The following ABCC6 variants were observed in gnomAD, a reference collection of about 807,000 sequenced individuals.
ABCC6 encodes the protein ATP-binding cassette sub-family C member 6.
A neutral mutation model predicts 169.5 loss-of-function variants in ABCC6; 126 were observed. The observed-to-expected ratio is 0.74, with a 90% CI of 0.64 to 0.86. ABCC6 has a LOEUF of 0.86. ABCC6 is among the 40% of genes least tolerant of loss of function. The pLI is 0.00. For missense variants in ABCC6, 1,733 were observed against 1,927.2 expected (o/e 0.90, Z 1.89); for synonymous variants, 752 against 814.7 (o/e 0.92, Z 1.31).
chr16:16,171,380 G>C (rs1382116787), intron 21 of ABCC6, among the ~76,000 whole-genome samples: 1 of 152,134 alleles, frequency 6.6e-6, no homozygotes, highest in Non-Finnish European at 1.5e-5. Context: ...CACTGCGCCT[G>C]ATCATTCTTA....
At chr16:16,219,212 A>G (rs1273088493) in intron 4 of ABCC6, among the ~76,000 whole-genome samples, 1 of 144,360 alleles carries the variant, frequency 6.9e-6, no homozygotes, top group Admixed American at 6.9e-5. Context: ...ACGGAGGGGT[A>G]TGTGTGCACA....
intron 11 of ABCC6, among the ~76,000 whole-genome samples, chr16:16,192,185 G>A (rs531386484): frequency 8.5e-5 from 13 of 152,278 alleles, no homozygotes; most frequent in East Asian, 5.8e-4. Flanking sequence ...AACAGCTAAA[G>A]CGAAGGCCTG....
chr16:16,192,932 G>A lies in ABCC6; in HGVS notation c.1339-10C>T, dbSNP rs2047912271. On this transcript the variant is annotated splice_polypyrimidine_tract_variant and intron_variant, in intron 10 of 30. Transcript: ENST00000205557. ...CGGAGGGCCCCAGGAGCTGGGGATA[G>A]AAGGGGCAGGATGTCAGGAGATCCC... is the stretch of plus-strand genomic sequence containing the variant. 2 of 1,611,844 alleles carry A rather than the reference G, an allele frequency of 1.2e-6. No homozygotes were observed. Among genetic ancestry groups the A allele is most frequent in the Admixed American group, 1.7e-5 (1 of 59,970 alleles).
At chr16:16,184,884 G>A in intron 15 of ABCC6, 75 bp downstream of exon 15, 1 of 1,482,776 alleles carries the variant, frequency 6.7e-7, no homozygotes, top group Non-Finnish European at 9.4e-7. Flanking sequence ...CACCTCTCAG[G>A]TGGGAGGCAG....
chr16:16,177,008 C>T (rs2047298709), intron 19 of ABCC6, among the ~76,000 whole-genome samples: 1 of 152,154 alleles, frequency 6.6e-6, no homozygotes, highest in Non-Finnish European at 1.5e-5. Flanking sequence ...TTATTAGAAA[C>T]CCTAGCTAGC....
At chr16:16,166,955 T>G (rs2046898335) in intron 22 of ABCC6, among the ~76,000 whole-genome samples, 1 of 152,116 alleles carries the variant, frequency 6.6e-6, no homozygotes, top group Non-Finnish European at 1.5e-5. Flanking sequence ...GAGTTAACAC[T>G]GCTGACACCT....
chr16:16,217,808 G>T (rs986469543), intron 4 of ABCC6, among the ~76,000 whole-genome samples: 1 of 152,196 alleles, frequency 6.6e-6, no homozygotes, highest in Non-Finnish European at 1.5e-5. Context: ...CTCTGTCCTC[G>T]GTCAGGCGCT....
rs200827049 is a variant in ABCC6, at chr16:16,188,082, CAATA to C, written c.1779+745_1779+748del. Among the ~76,000 whole-genome samples the C allele has an allele frequency of 4.3e-3, 655 of 151,542 alleles. 3 individuals are homozygous for C. The highest frequency in any genetic ancestry group is 0.015 in the African/African-American group (624 of 41,306). On this transcript the variant is annotated intron_variant, in intron 13 of 30. Transcript: ENST00000205557. ...TGAAACCCTGTCTCTACTAAAAACACAATAAATAAATAAATAAGACTGGGTGCAG... is the reference window on the plus strand; with the variant it reads ...TGAAACCCTGTCTCTACTAAAAACACAATAAATAAATAAGACTGGGTGCAG...
At chr16:16,175,791 C>G in intron 20 of ABCC6, 120 bp downstream of exon 20, 1 of 1,165,360 alleles carries the variant, frequency 8.6e-7, no homozygotes, top group Non-Finnish European at 1.2e-6. Flanking sequence ...GGGACTTCAG[C>G]AGGTTCTCTA....
At chr16:16,192,067 G>C (rs2047880470) in intron 11 of ABCC6, among the ~76,000 whole-genome samples, 1 of 152,200 alleles carries the variant, frequency 6.6e-6, no homozygotes, top group African/African-American at 2.4e-5. Context: ...TGCTGGGAGG[G>C]GAGGGATGGA....
chr16:16,211,978 A>G (rs905004983), intron 6 of ABCC6, among the ~76,000 whole-genome samples: 8 of 147,782 alleles, frequency 5.4e-5, no homozygotes, highest in Non-Finnish European at 4.4e-5. Context: ...CAGAGCCGGG[A>G]TTCAAATCAA....
At position 16,159,527 on chromosome 16, in the gene ABCC6, G is replaced by A. The variant is rs368931767; in HGVS notation, c.3690C>T (p.Ile1230=). ...AGTCCTGCATCCGCTCCACTGACAC[G>A]ATGCTGTTCTCTAGGTCTGTCCAGT... The part of the protein sequence containing the change: ...VRNWTDLENS[I]VSVERMQDYA... Residue 1230 remains isoleucine (I), a synonymous_variant, in exon 26 of 31, where the codon ATC becomes ATT. Transcript: ENST00000205557. The A allele has an allele frequency of 4.0e-5, 65 of 1,613,998 alleles. No individual in the cohort carries two copies. The highest frequency in any genetic ancestry group is 3.5e-4 in the African/African-American group (26 of 74,978).
chr16:16,214,569 G>A, intron 4 of ABCC6, 120 bp from the exon 5 acceptor site: 1 of 1,499,202 alleles, frequency 6.7e-7, no homozygotes, highest in Non-Finnish European at 8.9e-7. Context: ...GTATTTGAAA[G>A]CCAGAGCCCT....
At chr16:16,161,781 G>A (rs1045594724) in intron 24 of ABCC6, among the ~76,000 whole-genome samples, 12 of 152,120 alleles carry the variant, frequency 7.9e-5, no homozygotes, top group African/African-American at 2.7e-4. Context: ...GTGTTCTGAA[G>A]AGCATCCCTG....
chr16:16,161,517 G>T lies in ABCC6; in HGVS notation c.3554C>A (p.Ala1185Glu). ...GCTCAGCACAGCACACGTGGCAGCTGCAAACACCAGGCCATTCCCCAGGAG... is the reference window on the plus strand; with the variant it reads ...GCTCAGCACAGCACACGTGGCAGCTTCAAACACCAGGCCATTCCCCAGGAG... ...VELLGNGLVF[A>E]AATCAVLSKA... The change falls in exon 25 of 31, where the codon GCA (alanine) becomes GAA (glutamate). Residue 1185 changes from alanine to glutamate, a missense_variant. Around this residue, in one of 5 missense-constraint regions of ABCC6, gnomAD observed 1,601 missense variants for 1,635.5 expected, o/e 0.98. Transcript: ENST00000205557. 6.2e-7 allele frequency: 1 copy of T among 1,613,970 alleles called. No homozygotes were observed. The highest frequency in any genetic ancestry group is 1.1e-5 in the South Asian group (1 of 91,086).
intron 23 of ABCC6, among the ~76,000 whole-genome samples, chr16:16,165,187 G>C (rs971347904): frequency 6.6e-6 from 1 of 152,202 alleles, no homozygotes; most frequent in Non-Finnish European, 1.5e-5. Context: ...AAGGTGGGAG[G>C]ATCACTTGGG....
intron 20 of ABCC6, among the ~76,000 whole-genome samples, 167 bp downstream of exon 20, chr16:16,175,744 A>T (rs2047257277): frequency 7.0e-6 from 1 of 142,978 alleles, no homozygotes; most frequent in Non-Finnish European, 1.5e-5. Context: ...AACTGGACCA[A>T]TTTTGGTAAA....
chr16:16,163,612 T>A (rs1385971625), intron 23 of ABCC6, among the ~76,000 whole-genome samples: 1 of 152,066 alleles, frequency 6.6e-6, no homozygotes, highest in African/African-American at 2.4e-5. Flanking sequence ...AACAAAACTG[T>A]AAGGGGCAAT....
At chr16:16,152,985 C>T in intron 29 of ABCC6, among the ~76,000 whole-genome samples, 1 of 152,046 alleles carries the variant, frequency 6.6e-6, no homozygotes, top group Non-Finnish European at 1.5e-5. Context: ...AAACCTCTGC[C>T]TCCCGGGTTC....
Sources: allele counts gnomAD v4.1 joint callset (sites outside exome capture counted in the v4.1 genomes callset), GRCh38; gene constraint gnomAD v4.1.1; regional missense constraint gnomAD v4.1.1; transcripts MANE v1.5; gene names NCBI Gene and HGNC (gene_info 2026-07-23, HGNC 2026-07-21).